Variants in PPFIA2 observed in about 807,000 individuals in gnomAD.
PPFIA2 encodes PPFI scaffold protein A2, also known as liprin-alpha-2.
A neutral mutation model predicts 175.5 loss-of-function variants in PPFIA2; 46 were observed. The observed-to-expected ratio is 0.26, with a 90% confidence interval of 0.21 to 0.34. PPFIA2 has a LOEUF of 0.34. Among genes scored for constraint, PPFIA2 ranks in the 10% least tolerant of loss-of-function variants. The probability of loss-of-function intolerance (pLI) is 1.00; values close to 1 mark genes in which losing one functional copy is unlikely to be tolerated. For missense variants in PPFIA2, 1,179 were observed against 1,506.1 expected (o/e 0.78, Z 3.60); for synonymous variants, 568 against 511.4 (o/e 1.11, Z -1.49).
At chr12:81,527,254 C>T (rs927590569) in intron 4 of PPFIA2, among the ~76,000 whole-genome samples, 1 of 152,028 alleles carries the variant, frequency 6.6e-6, no homozygotes, top group Non-Finnish European at 1.5e-5. Context: ...TTTCCTGAAC[C>T]ATTCCCACCA....
intron 4 of PPFIA2, among the ~76,000 whole-genome samples, chr12:81,626,535 CTGT>C (rs1301370880): frequency 6.6e-6 from 1 of 151,956 alleles, no homozygotes; most frequent in Non-Finnish European, 1.5e-5. Context: ...ATCTCTTGTG[CTGT>C]TTGAGTCACC....
At chr12:81,720,641 A>G (rs2079194426) in intron 3 of PPFIA2, among the ~76,000 whole-genome samples, 1 of 151,352 alleles carries the variant, frequency 6.6e-6, no homozygotes, top group Non-Finnish European at 1.5e-5. Flanking sequence ...CCTGGGAGTA[A>G]ATTTTGAACA....
chr12:81,325,909 AT>A, intron 21 of PPFIA2, 39 bp from the exon 22 acceptor site: 14 of 1,414,462 alleles, frequency 9.9e-6, no homozygotes, highest in Non-Finnish European at 1.4e-5. Context: ...ATTATGTTGC[AT>A]AGGTTGTGTC....
chr12:81,264,932 A>T (rs1336893856), intron 30 of PPFIA2, among the ~76,000 whole-genome samples: 1 of 152,198 alleles, frequency 6.6e-6, no homozygotes, highest in African/African-American at 2.4e-5. Context: ...CTTCAGTTTT[A>T]TAAAACACTA....
At chr12:81,324,013 G>A (rs941490886) in intron 22 of PPFIA2, among the ~76,000 whole-genome samples, 1 of 151,896 alleles carries the variant, frequency 6.6e-6, no homozygotes, top group Admixed American at 6.6e-5. Context: ...AGCCATTTTT[G>A]CCTTATAGAA....
chr12:81,601,454 C>T (rs1180258236), intron 4 of PPFIA2, among the ~76,000 whole-genome samples: 1 of 151,906 alleles, frequency 6.6e-6, no homozygotes, highest in African/African-American at 2.4e-5. Flanking sequence ...ACGGTCCCAT[C>T]ATTCTCATTC....
intron 4 of PPFIA2, among the ~76,000 whole-genome samples, chr12:81,542,307 C>T (rs987821284): frequency 2.7e-4 from 41 of 152,230 alleles, no homozygotes; most frequent in African/African-American, 9.1e-4. Context: ...CTATATTCTC[C>T]TCTAGGAGCC....
intron 3 of PPFIA2, among the ~76,000 whole-genome samples, chr12:81,746,660 G>A (rs2153660052): frequency 6.9e-6 from 1 of 144,198 alleles, no homozygotes; most frequent in East Asian, 2.1e-4. Context: ...AAAATAGCCA[G>A]CTTAGAGGAA....
At chr12:81,456,819 A>G (rs1383152564) in intron 5 of PPFIA2, among the ~76,000 whole-genome samples, 2 of 152,094 alleles carry the variant, frequency 1.3e-5, no homozygotes, top group Non-Finnish European at 2.9e-5. Context: ...CATATGCTTG[A>G]TGAAAATACA....
At chr12:81,731,719 T>C (rs2080937600) in intron 3 of PPFIA2, among the ~76,000 whole-genome samples, 1 of 151,704 alleles carries the variant, frequency 6.6e-6, no homozygotes, top group South Asian at 2.1e-4. Context: ...TGCCATATAC[T>C]ATCTTTGCAA....
intron 7 of PPFIA2, among the ~76,000 whole-genome samples, chr12:81,408,309 T>C (rs1222334546): frequency 6.6e-6 from 1 of 152,168 alleles, no homozygotes. Flanking sequence ...TTTAAAATAT[T>C]CAAGTATCAT....
At chr12:81,312,174 C>T in intron 22 of PPFIA2, 1 of 1,534,496 alleles carries the variant, frequency 6.5e-7, no homozygotes, top group Non-Finnish European at 8.7e-7. Context: ...ATGTGCTTTT[C>T]ATGAGATGGA....
At chr12:81,710,482 T>G (rs1478295317) in intron 3 of PPFIA2, among the ~76,000 whole-genome samples, 1 of 152,132 alleles carries the variant, frequency 6.6e-6, no homozygotes, top group African/African-American at 2.4e-5. Context: ...ATAATTACAG[T>G]GACATGTAAA....
At chr12:81,266,714 G>T (rs1056244010) in intron 30 of PPFIA2, among the ~76,000 whole-genome samples, 2 of 151,992 alleles carry the variant, frequency 1.3e-5, no homozygotes, top group Non-Finnish European at 2.9e-5. Context: ...AAAATGTTTT[G>T]TAAATTACTG....
At chr12:81,420,066 G>A (rs1470699886) in intron 7 of PPFIA2, among the ~76,000 whole-genome samples, 1 of 152,128 alleles carries the variant, frequency 6.6e-6, no homozygotes, top group Non-Finnish European at 1.5e-5. Flanking sequence ...CTCAGCTGAT[G>A]GAACTACCTG....
chr12:81,419,157 C>A (rs1299879595), intron 7 of PPFIA2, among the ~76,000 whole-genome samples: 1 of 151,898 alleles, frequency 6.6e-6, no homozygotes, highest in Non-Finnish European at 1.5e-5. Context: ...TGCTTGGTAT[C>A]CACCAAGTAG....
chr12:81,731,324 C>T (rs2080875992), intron 3 of PPFIA2, among the ~76,000 whole-genome samples: 1 of 151,646 alleles, frequency 6.6e-6, no homozygotes, highest in Non-Finnish European at 1.5e-5. Flanking sequence ...CATTTCTGCA[C>T]ATAACAGTGT....
chr12:81,757,892 AGTCTT>A (rs1476472108), intron 2 of PPFIA2, among the ~76,000 whole-genome samples: 1 of 152,206 alleles, frequency 6.6e-6, no homozygotes, highest in African/African-American at 2.4e-5. Flanking sequence ...GAAAACATTT[AGTCTT>A]AAGAACCATC....
intron 4 of PPFIA2, among the ~76,000 whole-genome samples, chr12:81,642,949 T>C (rs2065521394): frequency 7.7e-6 from 1 of 129,224 alleles, no homozygotes; most frequent in South Asian, 2.5e-4. Flanking sequence ...TGTAATAATA[T>C]ATGTAATATA....
Sources: allele counts gnomAD v4.1 joint callset (sites outside exome capture counted in the v4.1 genomes callset), GRCh38; gene constraint gnomAD v4.1.1; transcripts MANE v1.5; gene names NCBI Gene and HGNC (gene_info 2026-07-23, HGNC 2026-07-21).